The following MIPOL1 variants were observed in gnomAD, a reference collection of about 807,000 sequenced individuals.
MIPOL1 encodes the protein mirror-image polydactyly 1.
MIPOL1 carries 57 observed loss-of-function variants against 60.9 expected under a neutral mutation model. The ratio of observed to expected loss-of-function variants is 0.94; its 90% CI spans 0.76 to 1.17. The LOEUF is 1.17. Ranked by LOEUF, MIPOL1 falls within the 50% of genes most tolerant of loss-of-function variation. The pLI, the probability that MIPOL1 is intolerant of heterozygous loss-of-function variation, is 0.00. For synonymous variants in MIPOL1, 179 were observed against 168.8 expected (o/e 1.06, Z -0.47); for missense variants, 551 against 511.6 (o/e 1.08, Z -0.74).
In MIPOL1 at chr14:37,509,984, G is replaced by A. The variant is rs1409481579; in HGVS notation, c.1262+9846G>A. ...ACTATATATATATATGCATACATACGTAGTTTATAGACACACATAGTTTAT... is the reference window on the plus strand; with the variant it reads ...ACTATATATATATATGCATACATACATAGTTTATAGACACACATAGTTTAT... On this transcript the variant is annotated intron_variant, in intron 12 of 12. Transcript: ENST00000684589. Among the ~76,000 whole-genome samples, 11 of 151,360 alleles carry A rather than the reference G, an allele frequency of 7.3e-5. 1 individual carries two copies. The South Asian group carries it at 1.0e-3, about 14-fold the overall frequency.
chr14:37,530,508 A>T (rs2095472658), intron 12 of MIPOL1, among the ~76,000 whole-genome samples: 1 of 152,196 alleles, frequency 6.6e-6, no homozygotes, highest in Admixed American at 6.5e-5. Flanking sequence ...TAGATTGTAT[A>T]ACCCCATTTC....
In MIPOL1 at chr14:37,539,791, T is replaced by C. The variant is rs180910488; in HGVS notation, c.1263-7114T>C. 2.5e-4 allele frequency among the ~76,000 whole-genome samples: 38 copies of C among 152,320 alleles called. No homozygotes were observed. In the East Asian group the frequency reaches 5.8e-3, roughly 23 times the overall value. On this transcript the variant is annotated intron_variant, in intron 12 of 12. Coordinates refer to ENST00000684589, the MANE Select transcript of MIPOL1 (RefSeq NM_001388067.1). ...TCTATGAAAATAAGGAATAATTCTC[T>C]GACTATATAGTTATTATTCAGCTCC...
chr14:37,298,245 C>T (rs1301698843), intron 7 of MIPOL1, among the ~76,000 whole-genome samples: 3 of 152,102 alleles, frequency 2.0e-5, no homozygotes, highest in African/African-American at 2.4e-5. Flanking sequence ...ACTGGTTAGC[C>T]ATATGTGGAA....
intron 7 of MIPOL1, among the ~76,000 whole-genome samples, chr14:37,288,307 A>G (rs1405577450): frequency 3.3e-5 from 5 of 152,018 alleles, no homozygotes; most frequent in African/African-American, 1.2e-4. Context: ...GCACCTGGCC[A>G]GGAGTGAATT....
At chr14:37,418,843 G>A (rs1055573978) in intron 10 of MIPOL1, among the ~76,000 whole-genome samples, 1 of 151,946 alleles carries the variant, frequency 6.6e-6, no homozygotes, top group Non-Finnish European at 1.5e-5. Flanking sequence ...AAGCTTGGAT[G>A]TTTTAAAGCG....
chr14:37,511,642 G>A (rs1488604556), intron 12 of MIPOL1, among the ~76,000 whole-genome samples: 1 of 152,088 alleles, frequency 6.6e-6, no homozygotes. Context: ...TTGTGGCCTG[G>A]AACAAGTTCC....
At chr14:37,414,293 C>T (rs1006401210) in intron 10 of MIPOL1, among the ~76,000 whole-genome samples, 1 of 152,108 alleles carries the variant, frequency 6.6e-6, no homozygotes, top group Non-Finnish European at 1.5e-5. Flanking sequence ...TTTATACACC[C>T]ACCCAAAATG....
At chr14:37,285,653 G>T (rs577084611) in intron 7 of MIPOL1, among the ~76,000 whole-genome samples, 74 of 150,214 alleles carry the variant, frequency 4.9e-4, no homozygotes, top group Non-Finnish European at 8.0e-4. Flanking sequence ...GTGCAGTGGC[G>T]CAATCTCAGC....
chr14:37,524,789 T>C (rs541808261), intron 12 of MIPOL1, among the ~76,000 whole-genome samples: 108 of 151,860 alleles, frequency 7.1e-4, no homozygotes, highest in Non-Finnish European at 8.0e-4. Context: ...AGCCTGGTCT[T>C]GAACTCCCGA....
At chr14:37,364,170 A>T in intron 9 of MIPOL1, among the ~76,000 whole-genome samples, 1 of 152,196 alleles carries the variant, frequency 6.6e-6, no homozygotes, top group East Asian at 1.9e-4. Context: ...CAATGAGATG[A>T]ACTGGGTACT....
intron 7 of MIPOL1, among the ~76,000 whole-genome samples, chr14:37,298,027 A>G (rs530455575): frequency 3.3e-5 from 5 of 152,320 alleles, no homozygotes; most frequent in Admixed American, 2.0e-4. Flanking sequence ...AGCTGGAGGC[A>G]TCATGCTACC....
chr14:37,310,484 G>A (rs2087225085), intron 9 of MIPOL1, among the ~76,000 whole-genome samples: 1 of 152,062 alleles, frequency 6.6e-6, no homozygotes, highest in Non-Finnish European at 1.5e-5. Context: ...GCACCCATGT[G>A]CTCTGCCTTT....
intron 10 of MIPOL1, among the ~76,000 whole-genome samples, chr14:37,419,505 T>G (rs2093831927): frequency 6.6e-6 from 1 of 152,216 alleles, no homozygotes; most frequent in Admixed American, 6.5e-5. Flanking sequence ...AGTCTGACAT[T>G]GAAAAATCCA....
intron 11 of MIPOL1, among the ~76,000 whole-genome samples, chr14:37,474,605 T>C (rs188598284): frequency 1.3e-5 from 2 of 152,204 alleles, no homozygotes; most frequent in Non-Finnish European, 2.9e-5. Context: ...ATTAAACCTC[T>C]TGTTCTTTAT....
At chr14:37,540,542 A>G (rs2153640404) in intron 12 of MIPOL1, among the ~76,000 whole-genome samples, 1 of 152,316 alleles carries the variant, frequency 6.6e-6, no homozygotes, top group African/African-American at 2.4e-5. Context: ...CAGCTTCTGC[A>G]TGGAGGAATG....
At chr14:37,493,616 C>T (rs752764180) in intron 11 of MIPOL1, among the ~76,000 whole-genome samples, 17 of 152,148 alleles carry the variant, frequency 1.1e-4, no homozygotes, top group Non-Finnish European at 1.9e-4. Flanking sequence ...TCATATCAAA[C>T]ATTAGTAAGT....
Position 37,327,665 on chromosome 14 carries a change from G to A in MIPOL1, c.828+19146G>A, listed in dbSNP as rs145450900. On this transcript the variant is annotated intron_variant, in intron 9 of 12. Coordinates refer to ENST00000684589, the MANE Select transcript of MIPOL1 (RefSeq NM_001388067.1). Reference sequence around the variant, plus strand: ...CATTATAATGGGTTTATCCTGGGTTGAAGTTGACAGGGTCTCTAGTGTAAG... The same window carrying A: ...CATTATAATGGGTTTATCCTGGGTTAAAGTTGACAGGGTCTCTAGTGTAAG... 5.9e-5 allele frequency among the ~76,000 whole-genome samples: 9 copies of A among 152,314 alleles called. No individual in the cohort carries two copies. In the East Asian group the frequency reaches 1.5e-3, roughly 26 times the overall value.
chr14:37,444,898 A>G (rs369949018), intron 11 of MIPOL1, among the ~76,000 whole-genome samples: 3 of 152,230 alleles, frequency 2.0e-5, no homozygotes, highest in East Asian at 3.8e-4. Context: ...AAAACTCTCA[A>G]TAAATTCAGT....
In MIPOL1 at chr14:37,198,078, C is replaced by A. The variant is rs940542292; in HGVS notation, c.-225C>A. The A allele has an allele frequency of 6.6e-6, 1 of 152,374 alleles. No individual in the cohort carries two copies. The highest frequency in any genetic ancestry group is 2.4e-5 in the African/African-American group (1 of 41,464). 9.4% of individuals were successfully genotyped at this position (152,374 alleles called of 1,614,324 possible). A position where few individuals can be genotyped will look rare whatever the true frequency, so the allele number is the denominator to read the frequency against. ...ACTCGGCAAGCGCGCAGTGTCGACTCCCCGGTCTATGCCAGGCGCATCTCA... is the reference window on the plus strand; with the variant it reads ...ACTCGGCAAGCGCGCAGTGTCGACTACCCGGTCTATGCCAGGCGCATCTCA... On this transcript the variant is annotated 5_prime_UTR_variant, in exon 1 of 13. Transcript: ENST00000684589.
Sources: allele counts gnomAD v4.1 joint callset (sites outside exome capture counted in the v4.1 genomes callset), GRCh38; gene constraint gnomAD v4.1.1; transcripts MANE v1.5; gene names NCBI Gene and HGNC (gene_info 2026-07-23, HGNC 2026-07-21).